POMGNT1: variants seen among roughly 807,000 people sequenced by gnomAD.
POMGNT1 encodes the protein protein O-linked-mannose beta-1,2-N-acetylglucosaminyltransferase 1.
A neutral mutation model predicts 95.6 loss-of-function variants in POMGNT1; 67 were observed. That is an observed-to-expected ratio of 0.70 (90% CI 0.58 to 0.86). POMGNT1 has a LOEUF of 0.86. Ranked by LOEUF, POMGNT1 falls within the 40% of genes least tolerant of loss-of-function variation. POMGNT1 has a pLI of 0.00. For missense variants in POMGNT1, 719 were observed against 855.2 expected, an observed-to-expected ratio of 0.84 and a Z score of 1.99; for synonymous variants, 298 against 317.9, an observed-to-expected ratio of 0.94 and a Z score of 0.66.
At chr1:46,219,246 G>T (rs192627420) in intron 1 of POMGNT1, among the ~76,000 whole-genome samples, 1 of 150,388 alleles carries the variant, frequency 6.6e-6, no homozygotes, top group Admixed American at 6.6e-5. Context: ...GGTGAGCTGA[G>T]ATCGCGCCAT....
chr1:46,189,168 C>G lies in POMGNT1; in HGVS notation c.*102G>C, dbSNP rs1657540648. ...AGTCTCATGTTAAAAACAAGGTAGC[C>G]CCAGCCCCTACCAGCATCTACAAAA... is the stretch of plus-strand genomic sequence containing the variant. On this transcript the variant is annotated 3_prime_UTR_variant, in exon 22 of 22. Coordinates refer to ENST00000371984, the MANE Select transcript of POMGNT1 (RefSeq NM_017739.4). 2.6e-6 allele frequency: 4 copies of G among 1,524,548 alleles called. No homozygotes were observed. In the South Asian group the frequency reaches 4.0e-5, roughly 15 times the overall value. The allele number at this position is 1,524,548 out of a possible 1,614,324, so 94.4% of individuals were successfully genotyped here.
intron 1 of POMGNT1, among the ~76,000 whole-genome samples, chr1:46,208,879 A>G (rs1658806371): frequency 1.3e-5 from 2 of 152,178 alleles, no homozygotes; most frequent in South Asian, 4.1e-4. Context: ...AATAAAAGGC[A>G]TGAAGCCGTT....
rs1658055359 is a variant in POMGNT1 at position 46,194,474 on chromosome 1, AG to A, written c.752-74del. ...TGAAGAGCCCCAGGCACACAATCAA[AG>A]GAATAAAGCTCCACAGAGAGATCTA... is the stretch of plus-strand genomic sequence containing the variant. On this transcript the variant is annotated intron_variant, in intron 8 of 21. Transcript: ENST00000371984. The A allele has an allele frequency of 3.7e-6, 6 of 1,614,108 alleles. No homozygotes were observed. In the East Asian group the frequency reaches 1.3e-4, roughly 36 times the overall value.
intron 1 of POMGNT1, among the ~76,000 whole-genome samples, chr1:46,209,214 G>A (rs1658816347): frequency 6.6e-6 from 1 of 152,080 alleles, no homozygotes; most frequent in Non-Finnish European, 1.5e-5. Flanking sequence ...CGTAGAGATG[G>A]GGTTGCTCCA....
At position 46,190,077 on chromosome 1, in the gene POMGNT1, G is replaced by A. The variant is rs572878186; in HGVS notation, c.1650-88C>T. 3.2e-5 allele frequency: 45 copies of A among 1,419,766 alleles called. No individual in the cohort carries two copies. The South Asian group carries it at 4.6e-4, about 15-fold the overall frequency. 87.9% of individuals were successfully genotyped at this position (1,419,766 alleles called of 1,614,324 possible). A position where few individuals can be genotyped will look rare whatever the true frequency, so the allele number is the denominator to read the frequency against. Reference sequence around the variant, plus strand: ...GACCCTGTACTTGGTTGAATGCTCTGCTGTTGCCACCTTGAAGTTCTTTTT... The same window carrying A: ...GACCCTGTACTTGGTTGAATGCTCTACTGTTGCCACCTTGAAGTTCTTTTT... On this transcript the variant is annotated intron_variant, in intron 19 of 21. Transcript: ENST00000371984.
chr1:46,194,395 T>G lies in POMGNT1; in HGVS notation c.758A>C (p.Glu253Ala). The change falls in exon 9 of 22, where the codon GAG becomes GCG. Residue 253 changes from glutamate to alanine, a missense_variant. Around this residue, in one of 5 missense-constraint regions of POMGNT1, gnomAD observed 466 missense variants for 517.4 expected, o/e 0.90. Transcript: ENST00000371984. ...CAGCTCTGTGTCTGCCCAGTGGCAC[T>G]CTGCCTCTGAGGGAAGGATGCGGTT... The part of the protein sequence containing the change: ...DVPLSSAEEA[E>A]CHWADTELNR... 1 of 1,614,190 alleles carries G rather than the reference T, an allele frequency of 6.2e-7. No homozygotes were observed. Among genetic ancestry groups the G allele is most frequent in the Non-Finnish European group, 8.5e-7 (1 of 1,180,024 alleles).
chr1:46,195,947 T>TG (rs1261288744), intron 5 of POMGNT1, 23 bp from the exon 6 acceptor site: 1 of 1,614,104 alleles, frequency 6.2e-7, no homozygotes, highest in Non-Finnish European at 8.5e-7. Context: ...ATACTTCTGG[T>TG]GAGTTGGTGT....
rs367733655 is a variant in POMGNT1, at chr1:46,196,900, G to A, written c.236-51C>T. The A allele has an allele frequency of 6.2e-5, 100 of 1,614,162 alleles. No homozygotes were observed. The highest frequency in any genetic ancestry group is 4.9e-4 in the Middle Eastern group (3 of 6,062). ...ATAGTCTCCTCAGCAGAGTCTCACC[G>A]CTTAGGGTCTGCCTGCCACTCCAGC... On this transcript the variant is annotated intron_variant, in intron 3 of 21. Transcript: ENST00000371984. The surrounding 1 kb of genome is among the most constrained non-coding windows in gnomAD (Gnocchi z 4.4).
At chr1:46,208,504 TG>T (rs909916655) in intron 1 of POMGNT1, among the ~76,000 whole-genome samples, 27 of 152,184 alleles carry the variant, frequency 1.8e-4, no homozygotes, top group Non-Finnish European at 3.7e-4. Context: ...ACATTTGAGC[TG>T]GGGCTTGAAG....
In POMGNT1 at chr1:46,196,033, G is replaced by A. The variant is rs776851436; in HGVS notation, c.399C>T (p.Val133=). The change falls in exon 5 of 22, where the codon GTC becomes GTT. Residue 133 remains valine, a synonymous_variant. Coordinates refer to ENST00000371984, the MANE Select transcript of POMGNT1 (RefSeq NM_017739.4). This position sits in a 1 kb window ranked among gnomAD's most constrained non-coding sequence, Gnocchi z 4.4. Reference sequence around the variant, plus strand: ...TCACCGTGGCCTGGTTGAGGACAATGACATGGATGCCCCGGCCCTGCTCCC... The same window carrying A: ...TCACCGTGGCCTGGTTGAGGACAATAACATGGATGCCCCGGCCCTGCTCCC... ...EAREQGRGIH[V]IVLNQATGHV... is the part of the protein sequence containing the mutation. The A allele has an allele frequency of 1.9e-6, 3 of 1,614,022 alleles. No homozygotes were observed. The Admixed American group carries it at 5.0e-5, about 27-fold the overall frequency.
chr1:46,206,752 A>G (rs1391494796), intron 1 of POMGNT1, among the ~76,000 whole-genome samples: 1 of 152,208 alleles, frequency 6.6e-6, no homozygotes, highest in Non-Finnish European at 1.5e-5. Context: ...CCTGGGAACC[A>G]TCAAAGGGGT....
At chr1:46,210,479 CTG>C (rs540611403) in intron 1 of POMGNT1, among the ~76,000 whole-genome samples, 216 of 152,316 alleles carry the variant, frequency 1.4e-3, no homozygotes, top group African/African-American at 5.1e-3. Flanking sequence ...GTCCCCAAGA[CTG>C]TCCCCCTCTT....
intron 1 of POMGNT1, chr1:46,219,694 C>A: frequency 1.3e-6 from 2 of 1,575,272 alleles, no homozygotes; most frequent in Non-Finnish European, 1.7e-6. Flanking sequence ...CTCCCACTCC[C>A]CCAGGCTTAC....
chr1:46,214,867 CA>C (rs5773905), intron 1 of POMGNT1, among the ~76,000 whole-genome samples: 71 of 89,520 alleles, frequency 7.9e-4, no homozygotes, highest in African/African-American at 2.8e-3. Flanking sequence ...GACTCCATCT[CA>C]AAAAAAAAAA....
chr1:46,215,769 A>ATG (rs1395286755), intron 1 of POMGNT1, among the ~76,000 whole-genome samples: 1 of 152,046 alleles, frequency 6.6e-6, no homozygotes, highest in African/African-American at 2.4e-5. Flanking sequence ...GTGTAGGTAC[A>ATG]TGCCTGTAGT....
At chr1:46,192,849 CTT>C (rs1396904078) in intron 14 of POMGNT1, 49 bp downstream of exon 14, 2 of 1,612,040 alleles carry the variant, frequency 1.2e-6, no homozygotes, top group African/African-American at 1.3e-5. Context: ...CTCACTGACT[CTT>C]TCCCTGCAGA....
At chr1:46,195,637 G>C (rs1407319775) in intron 6 of POMGNT1, 174 bp downstream of exon 6, 13 of 713,112 alleles carry the variant, frequency 1.8e-5, no homozygotes, top group Non-Finnish European at 2.8e-5. Flanking sequence ...GCATACAGCT[G>C]TTGCTCAATA....
chr1:46,194,596 G>A lies in POMGNT1; in HGVS notation c.708C>T (p.Asp236=). ...GCACATCTGTCTTCAGCAGGACTGG[G>A]TCCCCCCAGGAAGAGAGGGCAGGTG... is the stretch of plus-strand genomic sequence containing the variant. The part of the protein sequence containing the change: ...SKSPALSSWG[D]PVLLKTDVPL... The change falls in exon 8 of 22, where the codon GAC becomes GAT. Residue 236 remains aspartate (D), a synonymous_variant. Transcript: ENST00000371984. 3 of 1,614,158 alleles carry A rather than the reference G, an allele frequency of 1.9e-6. No homozygotes were observed. The highest frequency in any genetic ancestry group is 2.2e-5 in the East Asian group (1 of 44,880).
At chr1:46,207,300 C>T (rs1262619411) in intron 1 of POMGNT1, among the ~76,000 whole-genome samples, 1 of 152,002 alleles carries the variant, frequency 6.6e-6, no homozygotes, top group Non-Finnish European at 1.5e-5. Flanking sequence ...AGGCTGGTTT[C>T]GAAGTCCTGA....
Sources: allele counts gnomAD v4.1 joint callset (sites outside exome capture counted in the v4.1 genomes callset), GRCh38; gene constraint gnomAD v4.1.1; regional missense constraint gnomAD v4.1.1; non-coding constraint Gnocchi (gnomAD v3.1); transcripts MANE v1.5; gene names NCBI Gene and HGNC (gene_info 2026-07-23, HGNC 2026-07-21).